RABGAP1: variants seen among roughly 807,000 people sequenced by gnomAD.
RABGAP1 encodes RAB GTPase activating protein 1.
RABGAP1 carries 23 observed loss-of-function variants against 137.6 expected under a neutral mutation model. The ratio of observed to expected loss-of-function variants is 0.17; its 90% CI spans 0.12 to 0.24. RABGAP1 has a LOEUF of 0.24. RABGAP1 is among the 10% of genes least tolerant of loss of function. The probability of loss-of-function intolerance (pLI) is 1.00; values close to 1 mark genes in which losing one functional copy is unlikely to be tolerated. For missense variants in RABGAP1, 906 were observed against 1,275.8 expected (o/e 0.71, Z 4.42); for synonymous variants, 451 against 450.7 (o/e 1.00, Z -0.01).
intron 2 of RABGAP1, among the ~76,000 whole-genome samples, chr9:122,968,208 A>AT (rs1208485339): frequency 6.7e-6 from 1 of 148,880 alleles, no homozygotes; most frequent in African/African-American, 2.5e-5. Flanking sequence ...GTTACAAACA[A>AT]TTCAATTCTA....
chr9:123,057,156 AC>A (rs2033747384), intron 13 of RABGAP1, among the ~76,000 whole-genome samples: 1 of 141,812 alleles, frequency 7.1e-6, no homozygotes, highest in Non-Finnish European at 1.5e-5. Context: ...GCGGGGGCTG[AC>A]CCCCACCTCC....
chr9:123,054,382 G>A (rs2033610781), intron 13 of RABGAP1, among the ~76,000 whole-genome samples: 1 of 152,130 alleles, frequency 6.6e-6, no homozygotes, highest in Admixed American at 6.5e-5. Context: ...ACTTCTCTAA[G>A]TCTGAATTTC....
chr9:122,965,358 A>G (rs1215856347), intron 2 of RABGAP1, among the ~76,000 whole-genome samples: 1 of 152,146 alleles, frequency 6.6e-6, no homozygotes, highest in Non-Finnish European at 1.5e-5. Flanking sequence ...ACTTAAGGGT[A>G]TATTGTGCTG....
Position 123,103,372 on chromosome 9 carries a change from C to A in RABGAP1, c.*159C>A, listed in dbSNP as rs952468666. Reference sequence around the variant, plus strand: ...GGTCACTGGACCAGAGCTTGTGAAGCAGGCAACCTCTGGGGTAAGACTACT... The same window carrying A: ...GGTCACTGGACCAGAGCTTGTGAAGAAGGCAACCTCTGGGGTAAGACTACT... On this transcript the variant is annotated 3_prime_UTR_variant, in exon 26 of 26. Coordinates refer to ENST00000373647, the MANE Select transcript of RABGAP1 (RefSeq NM_012197.4). 34 of 1,125,272 alleles carry A rather than the reference C, an allele frequency of 3.0e-5. No individual in the cohort carries two copies. In the South Asian group the frequency reaches 5.1e-4, roughly 17 times the overall value. The allele number at this position is 1,125,272 out of a possible 1,614,324, so 69.7% of individuals were successfully genotyped here.
chr9:122,989,191 A>T, intron 4 of RABGAP1, 106 bp from the exon 5 acceptor site: 1 of 1,044,524 alleles, frequency 9.6e-7, no homozygotes, highest in South Asian at 1.4e-5. Flanking sequence ...AGCATACCAA[A>T]TATATGATCT....
chr9:122,945,615 T>C (rs76834339), intron 1 of RABGAP1, among the ~76,000 whole-genome samples: 2,418 of 152,362 alleles, frequency 0.016, 36 homozygotes, highest in South Asian at 0.066. Flanking sequence ...CTTAATTGTG[T>C]ACCTCTCCAA....
At chr9:123,093,262 T>C (rs2035081448) in intron 21 of RABGAP1, among the ~76,000 whole-genome samples, 1 of 152,226 alleles carries the variant, frequency 6.6e-6, no homozygotes, top group African/African-American at 2.4e-5. Flanking sequence ...TTTGCTGTTC[T>C]TCACACAACA....
At chr9:123,072,497 CT>C (rs766728156) in intron 15 of RABGAP1, among the ~76,000 whole-genome samples, 1 of 152,134 alleles carries the variant, frequency 6.6e-6, no homozygotes, top group Admixed American at 6.5e-5. Context: ...CAATCAGACC[CT>C]CCATGTCTTG....
At chr9:122,956,511 G>C (rs1017679914) in intron 1 of RABGAP1, among the ~76,000 whole-genome samples, 1 of 152,084 alleles carries the variant, frequency 6.6e-6, no homozygotes, top group African/African-American at 2.4e-5. Flanking sequence ...TTAGCCGGGC[G>C]TGGTGGCAGG....
intron 2 of RABGAP1, among the ~76,000 whole-genome samples, chr9:122,963,757 TA>T (rs757816683): frequency 1.6e-4 from 12 of 74,856 alleles, no homozygotes; most frequent in Non-Finnish European, 6.6e-4. Context: ...GGAAGGAAAA[TA>T]AAAGAACAGA....
At chr9:123,029,564 T>C (rs1333523927) in intron 13 of RABGAP1, 1 of 761,516 alleles carries the variant, frequency 1.3e-6, no homozygotes, top group Admixed American at 1.7e-5. Flanking sequence ...AAGTTTATAG[T>C]TGGGAACTTC....
intron 13 of RABGAP1, among the ~76,000 whole-genome samples, chr9:123,044,138 C>T (rs535590225): frequency 4.4e-4 from 67 of 152,096 alleles, no homozygotes; most frequent in African/African-American, 1.5e-3. Flanking sequence ...CTTCTGACCT[C>T]GTGATCCGCC....
At position 123,090,125 on chromosome 9, in the gene RABGAP1, G is replaced by T. The variant is rs530247251; in HGVS notation, c.2518-150G>T. ...ATTTCTTTATGGAGCTAGAAAATAAGAAATTGTTGATTTGGAAACACATCA... is the reference window on the plus strand; with the variant it reads ...ATTTCTTTATGGAGCTAGAAAATAATAAATTGTTGATTTGGAAACACATCA... On this transcript the variant is annotated intron_variant, in intron 20 of 25. Coordinates refer to ENST00000373647, the MANE Select transcript of RABGAP1 (RefSeq NM_012197.4). 7.9e-5 allele frequency: 52 copies of T among 657,600 alleles called. No individual in the cohort carries two copies. In the African/African-American group the frequency reaches 8.0e-4, roughly 10 times the overall value. The allele number at this position is 657,600 out of a possible 1,614,324, so 40.7% of individuals were successfully genotyped here. A position where few individuals can be genotyped will look rare whatever the true frequency, so the allele number is the denominator to read the frequency against.
intron 10 of RABGAP1, among the ~76,000 whole-genome samples, chr9:123,000,284 G>A (rs1230769953): frequency 6.6e-6 from 1 of 151,872 alleles, no homozygotes; most frequent in Non-Finnish European, 1.5e-5. Context: ...CTTGATCAAA[G>A]TTAAACTTCA....
At chr9:122,971,023 A>C (rs773723058) in intron 2 of RABGAP1, among the ~76,000 whole-genome samples, 9 of 152,218 alleles carry the variant, frequency 5.9e-5, no homozygotes, top group Non-Finnish European at 1.0e-4. Flanking sequence ...CTTTATAACC[A>C]AAGTGCTTGG....
At chr9:123,102,125 A>C (rs1244105471) in intron 25 of RABGAP1, among the ~76,000 whole-genome samples, 1 of 152,184 alleles carries the variant, frequency 6.6e-6, no homozygotes, top group Non-Finnish European at 1.5e-5. Context: ...GAGAGTCCCT[A>C]TCTGATAGGT....
chr9:123,093,019 CT>C (rs2132223061), intron 21 of RABGAP1, among the ~76,000 whole-genome samples: 1 of 152,320 alleles, frequency 6.6e-6, no homozygotes, highest in South Asian at 2.1e-4. Context: ...GTAGTTTCTT[CT>C]GAATCATCAC....
chr9:123,004,296 CTTT>C (rs1177278864), intron 10 of RABGAP1, among the ~76,000 whole-genome samples: 8 of 151,972 alleles, frequency 5.3e-5, no homozygotes, highest in Non-Finnish European at 1.5e-5. Flanking sequence ...TCAACAACGT[CTTT>C]TTTGTTTTTT....
chr9:122,953,632 C>G (rs1834366518), intron 1 of RABGAP1, among the ~76,000 whole-genome samples: 1 of 152,204 alleles, frequency 6.6e-6, no homozygotes, highest in Admixed American at 6.5e-5. Flanking sequence ...ATCTCTTGAC[C>G]TCGTGATCCA....
Sources: allele counts gnomAD v4.1 joint callset (sites outside exome capture counted in the v4.1 genomes callset), GRCh38; gene constraint gnomAD v4.1.1; transcripts MANE v1.5; gene names NCBI Gene and HGNC (gene_info 2026-07-23, HGNC 2026-07-21).